Variants in FOXP1 observed in about 807,000 individuals in gnomAD.
The protein encoded by FOXP1 is forkhead box P1.
FOXP1 carries 15 observed loss-of-function variants against 98.2 expected under a neutral mutation model. The ratio of observed to expected loss-of-function variants is 0.15; its 90% CI spans 0.10 to 0.24. FOXP1 has a LOEUF of 0.24. Among genes scored for constraint, FOXP1 ranks in the 10% least tolerant of loss-of-function variants. The probability of loss-of-function intolerance (pLI) is 1.00; values close to 1 mark genes in which losing one functional copy is unlikely to be tolerated. For missense variants in FOXP1, 633 were observed against 848.5 expected, an observed-to-expected ratio of 0.75 and a Z score of 3.15; for synonymous variants, 371 against 314.5, an observed-to-expected ratio of 1.18 and a Z score of -1.90.
intron 5 of FOXP1, among the ~76,000 whole-genome samples, chr3:71,298,189 G>A (rs1488833583): frequency 4.6e-5 from 7 of 152,222 alleles, no homozygotes; most frequent in Non-Finnish European, 7.4e-5. Flanking sequence ...AACTGAGGCC[G>A]GGAGCAGTGC....
intron 5 of FOXP1, among the ~76,000 whole-genome samples, chr3:71,203,067 A>T (rs998253821): frequency 9.2e-5 from 14 of 152,168 alleles, no homozygotes; most frequent in African/African-American, 3.4e-4. Flanking sequence ...TAATCATACA[A>T]AGTGCCTGAA....
intron 2 of FOXP1, among the ~76,000 whole-genome samples, chr3:71,513,647 GC>G (rs1271568463): frequency 6.6e-6 from 1 of 152,116 alleles, no homozygotes; most frequent in Non-Finnish European, 1.5e-5. Flanking sequence ...AGGGTGTAGC[GC>G]AAGGTGTGAA....
chr3:71,396,733 G>GATCCCGCCACTGCACTC (rs2081401937), intron 3 of FOXP1, among the ~76,000 whole-genome samples: 5 of 150,842 alleles, frequency 3.3e-5, no homozygotes, highest in African/African-American at 9.8e-5. Context: ...CAACAGCAGA[G>GATCCCGCCACTGCACTC]CATTAAACCA....
intron 2 of FOXP1, among the ~76,000 whole-genome samples, chr3:71,551,687 A>G (rs189584721): frequency 2.4e-4 from 36 of 152,350 alleles, no homozygotes; most frequent in Admixed American, 6.5e-4. Context: ...TGAATAGATA[A>G]CATAAAAATA....
At chr3:71,052,171 A>G (rs868778581) in intron 9 of FOXP1, among the ~76,000 whole-genome samples, 12 of 127,762 alleles carry the variant, frequency 9.4e-5, no homozygotes, top group South Asian at 4.4e-4. Context: ...TGAGCTGGGG[A>G]AAAAAAAAAA....
intron 11 of FOXP1, among the ~76,000 whole-genome samples, chr3:71,022,150 G>A (rs890476582): frequency 6.6e-6 from 1 of 151,978 alleles, no homozygotes; most frequent in Non-Finnish European, 1.5e-5. Flanking sequence ...TGAGTCAGGG[G>A]TCCAAGTTCA....
intron 3 of FOXP1, among the ~76,000 whole-genome samples, chr3:71,402,293 A>G (rs756764664): frequency 3.2e-4 from 48 of 152,264 alleles, no homozygotes; most frequent in Middle Eastern, 3.4e-3. Context: ...CATCTCTACT[A>G]AAGATACAAA....
intron 6 of FOXP1, among the ~76,000 whole-genome samples, chr3:71,158,334 A>G (rs188437501): frequency 9.5e-4 from 145 of 152,268 alleles, no homozygotes; most frequent in African/African-American, 2.7e-3. Context: ...TAGAAGACAC[A>G]AGTAGATGAT....
At chr3:71,054,069 T>C (rs1278490806) in intron 7 of FOXP1, among the ~76,000 whole-genome samples, 1 of 152,208 alleles carries the variant, frequency 6.6e-6, no homozygotes, top group Non-Finnish European at 1.5e-5. Flanking sequence ...CAGTTCTCAA[T>C]TGCTTATTGA....
chr3:71,089,416 T>C (rs187527926), intron 7 of FOXP1, among the ~76,000 whole-genome samples: 1 of 152,164 alleles, frequency 6.6e-6, no homozygotes, highest in Non-Finnish European at 1.5e-5. Context: ...TTGACTGCAA[T>C]CTCATGAGAT....
chr3:71,122,196 C>G (rs896082988), intron 6 of FOXP1, among the ~76,000 whole-genome samples: 1 of 152,140 alleles, frequency 6.6e-6, no homozygotes, highest in Non-Finnish European at 1.5e-5. Flanking sequence ...CACACATACT[C>G]GGGATGCCCT....
chr3:71,555,066 A>G (rs941898612), intron 2 of FOXP1, among the ~76,000 whole-genome samples: 1 of 152,246 alleles, frequency 6.6e-6, no homozygotes, highest in Non-Finnish European at 1.5e-5. Flanking sequence ...TACAATGTAT[A>G]TATTTTTTAA....
chr3:71,254,843 T>A (rs1175952763), intron 5 of FOXP1, among the ~76,000 whole-genome samples: 1 of 152,156 alleles, frequency 6.6e-6, no homozygotes, highest in Non-Finnish European at 1.5e-5. Context: ...TCAAACTCCA[T>A]ATCTTATATG....
chr3:71,280,106 G>C (rs1441418247), intron 5 of FOXP1, among the ~76,000 whole-genome samples: 2 of 120,438 alleles, frequency 1.7e-5, no homozygotes, highest in Non-Finnish European at 3.2e-5. Context: ...CTGCGCAACA[G>C]AGTGAGACTC....
intron 2 of FOXP1, among the ~76,000 whole-genome samples, chr3:71,528,728 G>C (rs1436240695): frequency 6.6e-6 from 1 of 152,146 alleles, no homozygotes; most frequent in African/African-American, 2.4e-5. Flanking sequence ...ATGGGAAGAA[G>C]GCATACAAAA....
chr3:70,959,448 G>A, intron 20 of FOXP1, 57 bp from the exon 21 acceptor site: 3 of 1,604,524 alleles, frequency 1.9e-6, no homozygotes, highest in Non-Finnish European at 2.6e-6. Flanking sequence ...TGCAGCTCAG[G>A]TGCACTGAAA....
chr3:71,554,517 T>C (rs2107688616), intron 2 of FOXP1, among the ~76,000 whole-genome samples: 1 of 152,334 alleles, frequency 6.6e-6, no homozygotes, highest in Non-Finnish European at 1.5e-5. Context: ...CTTAATTTGT[T>C]GTTTGATTCC....
At chr3:71,191,541 A>G (rs115540205) in intron 6 of FOXP1, among the ~76,000 whole-genome samples, 2,754 of 152,278 alleles carry the variant, frequency 0.018, 93 homozygotes, top group African/African-American at 0.059. Flanking sequence ...GTGCCATTTT[A>G]ATTTTCAATG....
chr3:71,026,412 C>T (rs538434524), intron 11 of FOXP1, among the ~76,000 whole-genome samples: 5 of 152,288 alleles, frequency 3.3e-5, no homozygotes, highest in Middle Eastern at 3.4e-3. Flanking sequence ...CAGGTTGACA[C>T]TGACAAAGTA....
Sources: allele counts gnomAD v4.1 joint callset (sites outside exome capture counted in the v4.1 genomes callset), GRCh38; gene constraint gnomAD v4.1.1; transcripts MANE v1.5; gene names NCBI Gene and HGNC (gene_info 2026-07-23, HGNC 2026-07-21).